UGT1A3: variants seen among roughly 807,000 people sequenced by gnomAD.
The protein encoded by UGT1A3 is UDP-glucuronosyltransferase 1A3.
A neutral mutation model predicts 41.0 loss-of-function variants in UGT1A3; 31 were observed. The observed-to-expected ratio is 0.76, with a 90% CI of 0.57 to 1.02. The LOEUF is 1.02. UGT1A3 is among the 50% of genes least tolerant of loss of function. The pLI is 0.00. For missense variants in UGT1A3, 737 were observed against 671.0 expected (o/e 1.10, Z -1.09); for synonymous variants, 262 against 257.6 (o/e 1.02, Z -0.17).
At chr2:233,734,487 G>T (rs1258869591) in intron 1 of UGT1A3, among the ~76,000 whole-genome samples, 1 of 151,866 alleles carries the variant, frequency 6.6e-6, no homozygotes, top group East Asian at 1.9e-4. Flanking sequence ...TGATTTTTTT[G>T]AAGGTTTTTT....
chr2:233,754,865 T>G, intron 1 of UGT1A3: 2 of 1,351,074 alleles, frequency 1.5e-6, no homozygotes, highest in Non-Finnish European at 2.0e-6. Flanking sequence ...GTGCAGACCC[T>G]CTGCTTCTGC....
chr2:233,756,399 T>G (rs189386635), intron 1 of UGT1A3: 1 of 152,208 alleles, frequency 6.6e-6, no homozygotes. Flanking sequence ...CAGTATTGGT[T>G]TTTTATTTGT....
At chr2:233,730,095 T>G (rs1360215327) in intron 1 of UGT1A3, 102 bp downstream of exon 1, 1 of 1,591,544 alleles carries the variant, frequency 6.3e-7, no homozygotes, top group Non-Finnish European at 8.5e-7. Context: ...TCTTTCCAAA[T>G]ATTTCATTTC....
intron 1 of UGT1A3, among the ~76,000 whole-genome samples, chr2:233,744,367 A>T (rs2125862571): frequency 6.6e-6 from 1 of 151,892 alleles, no homozygotes; most frequent in Non-Finnish European, 1.5e-5. Flanking sequence ...GTTGTTTAGG[A>T]CTGCAGTTCT....
At chr2:233,760,273 A>C in intron 1 of UGT1A3, 3 of 1,612,532 alleles carry the variant, frequency 1.9e-6, no homozygotes, top group Non-Finnish European at 1.7e-6. Flanking sequence ...AACCTCTGGC[A>C]GGAGCAAAGG....
intron 1 of UGT1A3, among the ~76,000 whole-genome samples, chr2:233,757,554 A>ATATATATATATATATATATATT (rs1696625820): frequency 7.9e-6 from 1 of 126,928 alleles, no homozygotes; most frequent in Non-Finnish European, 1.6e-5. Context: ...ATATATATAT[A>ATATATATATATATATATATATT]TATATATGTA....
At chr2:233,747,950 G>A in intron 1 of UGT1A3, 1 of 1,613,378 alleles carries the variant, frequency 6.2e-7, no homozygotes, top group Non-Finnish European at 8.5e-7. Flanking sequence ...TGTCAGTGGT[G>A]GATCTTCTCA....
chr2:233,757,244 TG>T (rs1006811310), intron 1 of UGT1A3, among the ~76,000 whole-genome samples: 12 of 99,552 alleles, frequency 1.2e-4, no homozygotes, highest in African/African-American at 4.8e-4. Context: ...GGTGGTGAGG[TG>T]GGGTTATTCA....
chr2:233,757,188 C>CT (rs910058978), intron 1 of UGT1A3, among the ~76,000 whole-genome samples: 3 of 150,488 alleles, frequency 2.0e-5, no homozygotes, highest in African/African-American at 7.4e-5. Flanking sequence ...GCAGAGGACT[C>CT]TGAATTTTCT....
At chr2:233,737,076 G>T (rs183644627) in intron 1 of UGT1A3, among the ~76,000 whole-genome samples, 1 of 152,230 alleles carries the variant, frequency 6.6e-6, no homozygotes, top group Non-Finnish European at 1.5e-5. Context: ...CTTCAGAGCT[G>T]TCAGACAGGG....
Position 233,729,385 on chromosome 2 carries a change from G to A in UGT1A3, c.259G>A (p.Asp87Asn), listed in dbSNP as rs1328190991. The A allele has an allele frequency of 1.9e-6, 3 of 1,613,954 alleles. No individual in the cohort carries two copies. Among genetic ancestry groups the A allele is most frequent in the African/African-American group, 1.3e-5 (1 of 75,078 alleles). Residue 87 changes from aspartate (D) to asparagine (N), a missense_variant, in exon 1 of 5, where the codon GAT becomes AAT. Coordinates refer to ENST00000482026, the MANE Select transcript of UGT1A3 (RefSeq NM_019093.4). ...AACCTATGCCATTTCGTGGACCCAG[G>A]ATGAATTTGATCGCCATGTGCTGGG... The part of the protein sequence containing the change: ...LTTYAISWTQ[D>N]EFDRHVLGHT...
Position 233,729,281 on chromosome 2 carries a change from A to G in UGT1A3, c.155A>G (p.His52Arg), listed in dbSNP as rs2077829135. The change falls in exon 1 of 5, where the codon CAT (histidine) becomes CGT (arginine). Residue 52 changes from histidine to arginine, a missense_variant. Coordinates refer to ENST00000482026, the MANE Select transcript of UGT1A3 (RefSeq NM_019093.4). ...ATGCGGGAGGTCTTGCGGGAGCTCC[A>G]TGCCAGAGGCCACCAGGCAGTGGTC... is the stretch of plus-strand genomic sequence containing the variant. ...LSMREVLREL[H>R]ARGHQAVVLT... 2 of 1,614,144 alleles carry G rather than the reference A, an allele frequency of 1.2e-6. No individual in the cohort carries two copies.
chr2:233,761,878 A>G (rs1435325744), intron 1 of UGT1A3, among the ~76,000 whole-genome samples: 1 of 152,196 alleles, frequency 6.6e-6, no homozygotes, highest in African/African-American at 2.4e-5. Flanking sequence ...GAGAGCGTTC[A>G]TTCACTTATC....
chr2:233,769,511 C>T lies in UGT1A3; in HGVS notation c.1307+1072C>T. On this transcript the variant is annotated intron_variant, in intron 4 of 4. Coordinates refer to ENST00000482026, the MANE Select transcript of UGT1A3 (RefSeq NM_019093.4). This position sits in a 1 kb window ranked among gnomAD's most constrained non-coding sequence, Gnocchi z 4.4. ...TTTATGAGAGTGTCCATTGCTTTCT[C>T]CCATGGTTACCTCCTTTAGAAAGAA... 6.2e-7 allele frequency: 1 copy of T among 1,612,794 alleles called. No individual in the cohort carries two copies. The highest frequency in any genetic ancestry group is 8.5e-7 in the Non-Finnish European group (1 of 1,179,854).
In UGT1A3 at chr2:233,743,013, C is replaced by A. The variant is rs1054809; in HGVS notation, c.867+13020C>A. On this transcript the variant is annotated intron_variant, in intron 1 of 4. Transcript: ENST00000482026. ...CAAATTGCATACAGATATTTTACAA[C>A]GATTGAAAGACAAACAGAGGTCCTA... The A allele has an allele frequency of 1.1e-4, 27 of 235,930 alleles. 1 individual carries two copies. The highest frequency in any genetic ancestry group is 7.5e-4 in the South Asian group (13 of 17,240). 14.6% of individuals were successfully genotyped at this position (235,930 alleles called of 1,614,324 possible). A position where few individuals can be genotyped will look rare whatever the true frequency, so the allele number is the denominator to read the frequency against.
intron 1 of UGT1A3, among the ~76,000 whole-genome samples, chr2:233,762,802 C>G (rs762572552): frequency 4.6e-5 from 7 of 151,304 alleles, no homozygotes; most frequent in Non-Finnish European, 1.0e-4. Context: ...ACTCAGCTAT[C>G]TCATCAAAAT....
chr2:233,757,503 A>G (rs1469765233), intron 1 of UGT1A3, among the ~76,000 whole-genome samples: 5 of 137,398 alleles, frequency 3.6e-5, no homozygotes, highest in African/African-American at 1.1e-4. Context: ...GAGTGATAGC[A>G]TGATTCCAAA....
At chr2:233,743,803 G>A (rs568702968) in intron 1 of UGT1A3, 1 of 1,367,298 alleles carries the variant, frequency 7.3e-7, no homozygotes, top group Admixed American at 1.9e-5. Context: ...CTTCCTCCTT[G>A]TTCTCAGGGT....
Position 233,772,610 on chromosome 2 carries a change from C to A in UGT1A3, c.*51C>A. 6.3e-7 allele frequency: 1 copy of A among 1,580,500 alleles called. No individual in the cohort carries two copies. Among genetic ancestry groups the A allele is most frequent in the South Asian group, 1.1e-5 (1 of 87,222 alleles). On this transcript the variant is annotated 3_prime_UTR_variant, in exon 5 of 5. Transcript: ENST00000482026. ...TTTTGAACCATTCCCTAGTCATTTC[C>A]AAACTTGAAAACAGAATCAGTGTTA...
Sources: allele counts gnomAD v4.1 joint callset (sites outside exome capture counted in the v4.1 genomes callset), GRCh38; gene constraint gnomAD v4.1.1; non-coding constraint Gnocchi (gnomAD v3.1); transcripts MANE v1.5; gene names NCBI Gene and HGNC (gene_info 2026-07-23, HGNC 2026-07-21).